The following ASIP variants were observed in gnomAD, a reference collection of about 807,000 sequenced individuals.
ASIP encodes agouti signaling protein, also known as agouti-signaling protein.
Under a neutral mutation model 10.3 loss-of-function variants are expected in ASIP, and 11 were observed. The ratio of observed to expected loss-of-function variants is 1.07; its 90% CI spans 0.68 to 1.78. The LOEUF is 1.78. ASIP is among the 40% of genes most tolerant of loss of function. The pLI is 0.00. For synonymous variants in ASIP, 70 were observed against 70.8 expected (o/e 0.99, Z 0.06); for missense variants, 180 against 169.2 (o/e 1.06, Z -0.35).
rs1270867507 is a variant in ASIP, at chr20:34,241,448, A to T, written c.-52A>T. ...AGCAAATCTCTACAGCTGCAAGGTG[A>T]AAAAGGAAGTTCCTTGGCCTGGGCT... On this transcript the variant is annotated 5_prime_UTR_variant, in exon 1 of 4. Transcript: ENST00000374954. 2.0e-6 allele frequency: 2 copies of T among 985,340 alleles called. No homozygotes were observed. Among genetic ancestry groups the T allele is most frequent in the Non-Finnish European group, 2.4e-6 (2 of 829,930 alleles). The allele number at this position is 985,340 out of a possible 1,614,324, so 61.0% of individuals were successfully genotyped here. A position where few individuals can be genotyped will look rare whatever the true frequency, so the allele number is the denominator to read the frequency against.
At chr20:34,196,465 G>A (rs1332053717) in intron 1 of ASIP, among the ~76,000 whole-genome samples, 1 of 152,018 alleles carries the variant, frequency 6.6e-6, no homozygotes, top group Non-Finnish European at 1.5e-5. Context: ...GAGCCACCGC[G>A]CCCGGCTGAA....
chr20:34,267,759 G>A (rs1265398878), intron 3 of ASIP, among the ~76,000 whole-genome samples: 2 of 151,212 alleles, frequency 1.3e-5, no homozygotes, highest in East Asian at 1.9e-4. Context: ...CCAAACTCCC[G>A]ACCTCAGGTG....
chr20:34,195,875 G>A lies in ASIP; in HGVS notation c.-11+1115G>A, dbSNP rs181436552. Among the ~76,000 whole-genome samples the A allele has an allele frequency of 4.5e-4, 68 of 152,058 alleles. 1 individual carries two copies. The highest frequency in any genetic ancestry group is 6.8e-3 in the Middle Eastern group (2 of 294). The stretch of plus-strand genomic sequence containing the variant: ...TTAATAGTCTATTTTACTGTCCAGC[G>A]CAGTAACCCCCATAACCCCCATATA... On this transcript the variant is annotated intron_variant, in intron 1 of 3. Transcript: ENST00000568305.
chr20:34,216,781 T>A (rs1158866604), intron 1 of ASIP, among the ~76,000 whole-genome samples: 2 of 152,238 alleles, frequency 1.3e-5, no homozygotes, highest in Admixed American at 1.3e-4. Flanking sequence ...TTCATCTGTA[T>A]CTGTCTACTC....
chr20:34,216,217 G>C (rs2035007403), intron 1 of ASIP, among the ~76,000 whole-genome samples: 1 of 152,210 alleles, frequency 6.6e-6, no homozygotes, highest in African/African-American at 2.4e-5. Context: ...CGGGGTCAGC[G>C]CCCCAAGAAG....
At chr20:34,261,439 G>A (rs952918015) in intron 2 of ASIP, among the ~76,000 whole-genome samples, 9 of 152,308 alleles carry the variant, frequency 5.9e-5, no homozygotes, top group Admixed American at 3.9e-4. Flanking sequence ...TTCAAGACCA[G>A]CCTGGTCAAC....
rs36107431 is a variant in ASIP, at chr20:34,253,447, T to TTTTATTTA, written c.-10-6886_-10-6879dup. ...TCCCTACGCTCTTATTTTTATTTTA[T>TTTTATTTA]TTTATTTATTTATTTATTTATTTAT... On this transcript the variant is annotated intron_variant, in intron 1 of 3. Coordinates refer to ENST00000374954, the MANE Select transcript of ASIP (RefSeq NM_001672.3). 2.3e-3 allele frequency among the ~76,000 whole-genome samples: 243 copies of TTTTATTTA among 103,808 alleles called. 2 individuals are homozygous for TTTTATTTA. Among genetic ancestry groups the TTTTATTTA allele is most frequent in the East Asian group, 0.012 (48 of 3,894 alleles). The allele number at this position is 103,808 out of a possible 152,430, so 68.1% of individuals were successfully genotyped here.
chr20:34,265,967 G>C (rs943383056), intron 3 of ASIP, among the ~76,000 whole-genome samples: 8 of 151,896 alleles, frequency 5.3e-5, no homozygotes, highest in Non-Finnish European at 1.2e-4. Context: ...CAAAAGCGGA[G>C]GGGGGGAAGT....
chr20:34,243,235 C>T (rs1040947385), intron 1 of ASIP, among the ~76,000 whole-genome samples: 7 of 152,104 alleles, frequency 4.6e-5, no homozygotes, highest in African/African-American at 1.7e-4. Flanking sequence ...AACTCAGGAC[C>T]CCTCAGGCAG....
At chr20:34,207,598 GC>G (rs2034945770) in intron 1 of ASIP, among the ~76,000 whole-genome samples, 1 of 151,988 alleles carries the variant, frequency 6.6e-6, no homozygotes, top group Non-Finnish European at 1.5e-5. Flanking sequence ...AGAAATCTTT[GC>G]CAGGACCAAC....
chr20:34,220,076 C>A (rs1328104911), intron 1 of ASIP, among the ~76,000 whole-genome samples: 1 of 150,820 alleles, frequency 6.6e-6, no homozygotes, highest in South Asian at 2.1e-4. Context: ...GGCGACAGAG[C>A]GAGACTCCAT....
In ASIP at chr20:34,269,158, C is replaced by T. The variant is rs2035844330; in HGVS notation, c.390C>T (p.Leu130=). 14 of 1,535,670 alleles carry T rather than the reference C, an allele frequency of 9.1e-6. No individual in the cohort carries two copies. The highest frequency in any genetic ancestry group is 1.2e-5 in the Non-Finnish European group (14 of 1,139,650). The part of the protein sequence containing the change: ...RSACSCRVLS[L]NC ...CCTGCTCCTGCCGCGTGCTCAGCCTCAACTGCTGAGCGCCCCCACTCCCGG... is the reference window on the plus strand; with the variant it reads ...CCTGCTCCTGCCGCGTGCTCAGCCTTAACTGCTGAGCGCCCCCACTCCCGG... Residue 130 remains leucine, a synonymous_variant, in exon 4 of 4, where the codon CTC becomes CTT. Transcript: ENST00000374954.
In ASIP at chr20:34,242,955, A is replaced by G. The variant is rs868331491; in HGVS notation, c.-11+1466A>G. ...TCTGGAGAGCATAAACAAAACCAAT[A>G]TAGTACCCACTAAGGTCTTTGTTGA... is the stretch of plus-strand genomic sequence containing the variant. On this transcript the variant is annotated intron_variant, in intron 1 of 3. Transcript: ENST00000374954. 2.1e-4 allele frequency among the ~76,000 whole-genome samples: 32 copies of G among 152,364 alleles called. 1 individual carries two copies. Among genetic ancestry groups the G allele is most frequent in the African/African-American group, 7.0e-4 (29 of 41,586 alleles).
intron 1 of ASIP, among the ~76,000 whole-genome samples, chr20:34,202,896 C>T (rs1430396849): frequency 2.0e-5 from 3 of 150,786 alleles, no homozygotes; most frequent in African/African-American, 2.4e-5. Flanking sequence ...GCAAGCTCCG[C>T]CTCCCAGGTT....
intron 1 of ASIP, among the ~76,000 whole-genome samples, chr20:34,201,540 T>C (rs1474821205): frequency 6.6e-6 from 1 of 152,170 alleles, no homozygotes; most frequent in African/African-American, 2.4e-5. Context: ...TAATAAAACC[T>C]TGTTGGCTTG....
chr20:34,236,096 A>C, intron 1 of ASIP, among the ~76,000 whole-genome samples: 1 of 146,188 alleles, frequency 6.8e-6, no homozygotes, highest in Non-Finnish European at 1.5e-5. Context: ...GAAGGAAGGA[A>C]GGAGAAAGAA....
At chr20:34,217,763 C>A (rs1172590776) in intron 1 of ASIP, among the ~76,000 whole-genome samples, 1 of 152,096 alleles carries the variant, frequency 6.6e-6, no homozygotes, top group Non-Finnish European at 1.5e-5. Flanking sequence ...GGGGTTTCAC[C>A]GTGTTAGCCA....
intron 1 of ASIP, among the ~76,000 whole-genome samples, chr20:34,241,781 C>T (rs1049529407): frequency 6.6e-6 from 1 of 152,116 alleles, no homozygotes; most frequent in Non-Finnish European, 1.5e-5. Flanking sequence ...TCCTAAATAT[C>T]GACCCTGACC....
At chr20:34,223,186 C>A (rs1213999472) in intron 1 of ASIP, among the ~76,000 whole-genome samples, 1 of 151,570 alleles carries the variant, frequency 6.6e-6, no homozygotes, top group Non-Finnish European at 1.5e-5. Flanking sequence ...AAGTGAGGAG[C>A]GCCTCTTCCC....
Sources: gnomAD v4.1 joint callset for allele counts (sites outside exome capture counted in the v4.1 genomes callset) on GRCh38, gnomAD v4.1.1 for gene constraint, MANE v1.5 for transcripts, NCBI Gene and HGNC (gene_info 2026-07-23, HGNC 2026-07-21) for gene names.